Variants in FCHO2 observed in about 807,000 individuals in gnomAD.
FCHO2 encodes the protein F-BAR domain only protein 2.
A neutral mutation model predicts 114.1 loss-of-function variants in FCHO2; 43 were observed. That is an observed-to-expected ratio of 0.38 (90% CI 0.30 to 0.49). The LOEUF is 0.49. Ranked by LOEUF, FCHO2 falls within the 20% of genes least tolerant of loss-of-function variation. The pLI is 0.97. For synonymous variants in FCHO2, 293 were observed against 315.2 expected, an observed-to-expected ratio of 0.93 and a Z score of 0.75; for missense variants, 807 against 950.4, an observed-to-expected ratio of 0.85 and a Z score of 1.98.
Position 73,074,846 on chromosome 5 carries a change from C to A in FCHO2, c.1684C>A (p.Pro562Thr), listed in dbSNP as rs1176005565. 1.2e-6 allele frequency: 2 copies of A among 1,610,470 alleles called. No individual in the cohort carries two copies. The highest frequency in any genetic ancestry group is 2.7e-5 in the African/African-American group (2 of 74,764). The change falls in exon 20 of 26, where the codon CCC becomes ACC. Residue 562 changes from proline to threonine, a missense_variant. By Grantham distance (38) the Pro-to-Thr change is conservative. Coordinates refer to ENST00000430046, the MANE Select transcript of FCHO2 (RefSeq NM_138782.3). ...SVNAYFKGADPTKCIVKITGD... is the reference protein window; with the variant it reads ...SVNAYFKGADTTKCIVKITGD... ...TAATGCCTACTTTAAAGGAGCAGATCCCACCAAGTTAGTTTTTAAAATATA... is the reference window on the plus strand; with the variant it reads ...TAATGCCTACTTTAAAGGAGCAGATACCACCAAGTTAGTTTTTAAAATATA...
At position 72,997,331 on chromosome 5, in the gene FCHO2, G is replaced by C. The variant is rs540194632; in HGVS notation, c.495+6467G>C. ...AAGCATGGAGATCTATGGCTCTGCT[G>C]TGGCAGATAAACTGGACAATAGCAG... On this transcript the variant is annotated intron_variant, in intron 5 of 25. Transcript: ENST00000430046. 75 of 1,574,404 alleles carry C rather than the reference G, an allele frequency of 4.8e-5. 1 individual carries two copies. The East Asian group carries it at 1.7e-3, about 35-fold the overall frequency.
chr5:72,957,104 A>G (rs1751592546), intron 1 of FCHO2, among the ~76,000 whole-genome samples: 1 of 152,202 alleles, frequency 6.6e-6, no homozygotes, highest in African/African-American at 2.4e-5. Flanking sequence ...TGCCTCAAGC[A>G]TGGTCTTGGT....
Position 72,976,885 on chromosome 5 carries a change from G to T in FCHO2, c.125+8296G>T, listed in dbSNP as rs184251270. 1.9e-3 allele frequency among the ~76,000 whole-genome samples: 283 copies of T among 151,526 alleles called. 3 individuals carry two copies. Among genetic ancestry groups the T allele is most frequent in the African/African-American group, 6.4e-3 (265 of 41,338 alleles). On this transcript the variant is annotated intron_variant, in intron 2 of 25. Coordinates refer to ENST00000430046, the MANE Select transcript of FCHO2 (RefSeq NM_138782.3). ...AATGAGTGAGGACATGTGGTGTTTG[G>T]TTTTCTGTTCTTGTGTTTGCTGAGA...
chr5:72,996,597 TC>T lies in FCHO2; in HGVS notation c.495+5736del, dbSNP rs1754119955. On this transcript the variant is annotated intron_variant, in intron 5 of 25. Transcript: ENST00000430046. ...CCCTTCCCCAATTAATCCTTCCCCT[TC>T]CCTCCTGGTCTCGGAGGACCCAATC... Among the ~76,000 whole-genome samples the T allele has an allele frequency of 2.1e-5, 3 of 145,740 alleles. No individual in the cohort carries two copies. The East Asian group carries it at 6.2e-4, about 30-fold the overall frequency.
intron 2 of FCHO2, among the ~76,000 whole-genome samples, chr5:72,983,452 G>A (rs561803810): frequency 7.1e-4 from 108 of 151,094 alleles, no homozygotes; most frequent in Non-Finnish European, 1.1e-3. Flanking sequence ...CAGCCTCCAC[G>A]TCTTGGGCTC....
intron 2 of FCHO2, among the ~76,000 whole-genome samples, chr5:72,979,415 G>C (rs1216774636): frequency 1.1e-5 from 1 of 95,054 alleles, no homozygotes; most frequent in African/African-American, 3.9e-5. Context: ...TTTTTGAGAC[G>C]GAGTCTCGCT....
intron 18 of FCHO2, among the ~76,000 whole-genome samples, chr5:73,064,989 T>G (rs1561488957): frequency 6.6e-6 from 1 of 152,010 alleles, no homozygotes; most frequent in Non-Finnish European, 1.5e-5. Context: ...TGTGTTACCT[T>G]TACTGGGCTA....
intron 2 of FCHO2, among the ~76,000 whole-genome samples, chr5:72,986,110 A>T (rs1753507302): frequency 1.3e-5 from 2 of 151,640 alleles, no homozygotes; most frequent in African/African-American, 2.4e-5. Flanking sequence ...TTTATTTTTT[A>T]AATTTTCCTT....
chr5:73,017,095 C>G, intron 7 of FCHO2, 117 bp from the exon 8 acceptor site: 1 of 618,032 alleles, frequency 1.6e-6, no homozygotes, highest in Admixed American at 3.7e-5. Context: ...CTCAAAGGGC[C>G]TTGGGTCAAA....
chr5:73,085,511 A>AT (rs113908234), intron 24 of FCHO2, among the ~76,000 whole-genome samples: 1,653 of 151,850 alleles, frequency 0.011, 25 homozygotes, highest in Middle Eastern at 0.037. Flanking sequence ...ATGGTGGCTC[A>AT]TTCCTGCAAT....
chr5:73,027,384 C>A (rs145053201), intron 8 of FCHO2, among the ~76,000 whole-genome samples: 1 of 144,616 alleles, frequency 6.9e-6, no homozygotes, highest in African/African-American at 2.6e-5. Flanking sequence ...TTTTTTTTTC[C>A]GGTGTTTTTG....
chr5:73,088,365 A>T lies in FCHO2; in HGVS notation c.*275A>T, dbSNP rs1743378402. ...TGAAGTTTTTGTAGGATTAATTTTTAAATTATTTCCAGTGTCTATGTTGAA... is the reference window on the plus strand; with the variant it reads ...TGAAGTTTTTGTAGGATTAATTTTTTAATTATTTCCAGTGTCTATGTTGAA... On this transcript the variant is annotated 3_prime_UTR_variant, in exon 26 of 26. Coordinates refer to ENST00000430046, the MANE Select transcript of FCHO2 (RefSeq NM_138782.3). 2.3e-6 allele frequency: 1 copy of T among 436,110 alleles called. No homozygotes were observed. Among genetic ancestry groups the T allele is most frequent in the Non-Finnish European group, 4.1e-6 (1 of 242,838 alleles). The allele number at this position is 436,110 out of a possible 1,614,324, so 27.0% of individuals were successfully genotyped here.
At chr5:73,087,545 A>C in intron 24 of FCHO2, 44 bp from the exon 25 acceptor site, 2 of 1,596,906 alleles carry the variant, frequency 1.3e-6, no homozygotes, top group Non-Finnish European at 1.7e-6. Context: ...TTTTGTTTGA[A>C]ATGTATTTTA....
intron 10 of FCHO2, among the ~76,000 whole-genome samples, chr5:73,038,542 A>G (rs1756647022): frequency 6.6e-6 from 1 of 152,216 alleles, no homozygotes; most frequent in South Asian, 2.1e-4. Context: ...AGGAATTCTC[A>G]TGAGATTTAA....
chr5:72,978,429 G>T (rs1195681334), intron 2 of FCHO2, among the ~76,000 whole-genome samples: 1 of 152,134 alleles, frequency 6.6e-6, no homozygotes, highest in African/African-American at 2.4e-5. Context: ...TGGTGTATAG[G>T]AATGCTTGTG....
chr5:73,051,542 G>A, intron 12 of FCHO2, 136 bp downstream of exon 12: 1 of 588,292 alleles, frequency 1.7e-6, no homozygotes, highest in Non-Finnish European at 2.8e-6. Flanking sequence ...CATTTGACAT[G>A]TTTTTTGTTG....
At chr5:72,979,373 A>C (rs1431581620) in intron 2 of FCHO2, among the ~76,000 whole-genome samples, 25 of 108,570 alleles carry the variant, frequency 2.3e-4, no homozygotes, top group African/African-American at 7.9e-4. Context: ...GGAATTTATC[A>C]ATTTCTTTTT....
intron 21 of FCHO2, 65 bp downstream of exon 21, chr5:73,077,558 A>T (rs1742953377): frequency 1.3e-6 from 2 of 1,489,340 alleles, no homozygotes; most frequent in East Asian, 5.0e-5. Flanking sequence ...TGCTGTGCAC[A>T]GTGGCTCACG....
At chr5:73,023,412 T>C (rs1277514375) in intron 8 of FCHO2, among the ~76,000 whole-genome samples, 1 of 152,152 alleles carries the variant, frequency 6.6e-6, no homozygotes, top group African/African-American at 2.4e-5. Context: ...AAAATTAATG[T>C]AGTCCAAGGC....
Sources: allele counts gnomAD v4.1 joint callset (sites outside exome capture counted in the v4.1 genomes callset), GRCh38; gene constraint gnomAD v4.1.1; transcripts MANE v1.5; gene names NCBI Gene and HGNC (gene_info 2026-07-23, HGNC 2026-07-21).